Variants in SIL1 observed in about 807,000 individuals in gnomAD.
SIL1 encodes the protein SIL1 nucleotide exchange factor, also known as nucleotide exchange factor SIL1.
A neutral mutation model predicts 49.1 loss-of-function variants in SIL1; 40 were observed. The ratio of observed to expected loss-of-function variants is 0.81; its 90% CI spans 0.63 to 1.06. The LOEUF is 1.06. Among genes scored for constraint, SIL1 ranks in the 50% least tolerant of loss-of-function variants. SIL1 has a pLI of 0.00. For missense variants in SIL1, 500 were observed against 572.6 expected, an observed-to-expected ratio of 0.87 and a Z score of 1.29; for synonymous variants, 253 against 250.8, an observed-to-expected ratio of 1.01 and a Z score of -0.08.
At chr5:138,972,113 T>C (rs1009627766) in intron 7 of SIL1, among the ~76,000 whole-genome samples, 2 of 152,130 alleles carry the variant, frequency 1.3e-5, no homozygotes, top group Non-Finnish European at 2.9e-5. Context: ...ATAAGGGTTA[T>C]GGGGACCTTT....
At chr5:138,987,109 T>TATTTTATTTC (rs1455545105) in intron 7 of SIL1, among the ~76,000 whole-genome samples, 2 of 150,292 alleles carry the variant, frequency 1.3e-5, no homozygotes, top group East Asian at 3.9e-4. Context: ...TATTTTATTT[T>TATTTTATTTC]ATTTTATTTT....
At position 139,144,386 on chromosome 5, in the gene SIL1, TC is replaced by T. The variant is rs111953909; in HGVS notation, c.-10-16534del. ...GAAAAAAAGAACAAAGCTGGAGAAT[TC>T]CACAAGTCCAATTTCAAAACTTACC... On this transcript the variant is annotated intron_variant, in intron 1 of 9. Transcript: ENST00000394817. Among the ~76,000 whole-genome samples, 1,054 of 152,148 alleles carry T rather than the reference TC, an allele frequency of 6.9e-3. 8 individuals carry two copies. The highest frequency in any genetic ancestry group is 0.024 in the African/African-American group (1,010 of 41,498).
intron 3 of SIL1, among the ~76,000 whole-genome samples, chr5:139,069,093 G>A (rs1243053898): frequency 6.6e-6 from 1 of 151,998 alleles, no homozygotes; most frequent in African/African-American, 2.4e-5. Context: ...TTCAGGATCA[G>A]CCCAGGTAAC....
At chr5:138,985,179 A>T (rs1246042614) in intron 7 of SIL1, among the ~76,000 whole-genome samples, 1 of 152,172 alleles carries the variant, frequency 6.6e-6, no homozygotes, top group East Asian at 1.9e-4. Flanking sequence ...AAGTATGTTC[A>T]ATTTTGAGAG....
At chr5:138,960,213 C>T (rs952703628) in intron 7 of SIL1, among the ~76,000 whole-genome samples, 7 of 152,294 alleles carry the variant, frequency 4.6e-5, no homozygotes, top group South Asian at 2.1e-4. Flanking sequence ...ATGTATCTTA[C>T]ATGGTTATCT....
intron 7 of SIL1, among the ~76,000 whole-genome samples, chr5:138,955,273 T>C (rs1478726658): frequency 2.0e-5 from 3 of 152,186 alleles, no homozygotes; most frequent in Admixed American, 2.0e-4. Context: ...AGAATAAACC[T>C]TGTTCAGGGC....
In SIL1 at chr5:139,121,912, A is replaced by G. The variant is rs542349904; in HGVS notation, c.106-739T>C. ...GGAGACAGCGATGCAAGATAAATAC[A>G]AAGTATTATTCATTTTGCTCTTTCC... On this transcript the variant is annotated intron_variant, in intron 2 of 9. Transcript: ENST00000394817. Among the ~76,000 whole-genome samples, 16 of 152,332 alleles carry G rather than the reference A, an allele frequency of 1.1e-4. No homozygotes were observed. In the East Asian group the frequency reaches 1.9e-3, roughly 18 times the overall value.
At chr5:139,135,076 T>G (rs938761257) in intron 1 of SIL1, among the ~76,000 whole-genome samples, 2 of 152,148 alleles carry the variant, frequency 1.3e-5, no homozygotes, top group African/African-American at 4.8e-5. Flanking sequence ...AAGTTTGTAA[T>G]AGTCAGGCAA....
At chr5:138,984,634 C>T (rs1365145942) in intron 7 of SIL1, among the ~76,000 whole-genome samples, 3 of 152,172 alleles carry the variant, frequency 2.0e-5, no homozygotes, top group African/African-American at 7.2e-5. Context: ...GCTAGGATTA[C>T]AGGCATGAGC....
At chr5:139,015,536 A>G (rs1484820228) in intron 7 of SIL1, among the ~76,000 whole-genome samples, 1 of 152,228 alleles carries the variant, frequency 6.6e-6, no homozygotes, top group Non-Finnish European at 1.5e-5. Context: ...AAACTACATC[A>G]TAAATAACCC....
intron 3 of SIL1, among the ~76,000 whole-genome samples, chr5:139,111,675 G>A (rs951143677): frequency 1.3e-5 from 2 of 152,098 alleles, no homozygotes; most frequent in South Asian, 2.1e-4. Context: ...TATGGCTATC[G>A]CTAACTGAAA....
At chr5:139,197,124 C>T (rs1300636270) in intron 1 of SIL1, among the ~76,000 whole-genome samples, 1 of 151,942 alleles carries the variant, frequency 6.6e-6, no homozygotes, top group East Asian at 1.9e-4. Flanking sequence ...GAAAATTAGC[C>T]GGGCACGATG....
chr5:139,173,039 AATAGAT>A (rs1751806348), intron 1 of SIL1, among the ~76,000 whole-genome samples: 1 of 152,146 alleles, frequency 6.6e-6, no homozygotes, highest in African/African-American at 2.4e-5. Flanking sequence ...GCATTAAAAA[AATAGAT>A]ATAGGTTATG....
chr5:139,139,143 G>T (rs1034646269), intron 1 of SIL1, among the ~76,000 whole-genome samples: 3 of 152,230 alleles, frequency 2.0e-5, no homozygotes, highest in African/African-American at 7.2e-5. Flanking sequence ...ACTGTAGACA[G>T]ATGCAGCTAG....
intron 7 of SIL1, among the ~76,000 whole-genome samples, chr5:138,983,126 A>T (rs1767565419): frequency 6.9e-6 from 1 of 144,574 alleles, no homozygotes; most frequent in Admixed American, 7.2e-5. Context: ...TTGAACCCAG[A>T]AGGCAGAGGG....
intron 3 of SIL1, among the ~76,000 whole-genome samples, chr5:139,086,490 A>G (rs1770224119): frequency 6.6e-6 from 1 of 151,430 alleles, no homozygotes; most frequent in African/African-American, 2.4e-5. Flanking sequence ...TCAGCCTCCC[A>G]AGTAGCTGAA....
In SIL1 at chr5:139,152,110, C is replaced by T. The variant is rs115408068; in HGVS notation, c.-10-24257G>A. 2.7e-3 allele frequency among the ~76,000 whole-genome samples: 404 copies of T among 152,292 alleles called. 2 individuals are homozygous for T. Among genetic ancestry groups the T allele is most frequent in the African/African-American group, 9.0e-3 (375 of 41,568 alleles). On this transcript the variant is annotated intron_variant, in intron 1 of 9. Transcript: ENST00000394817. Reference sequence around the variant, plus strand: ...AGGTGGGAGCAGCAGCCCTGAACACCGCAGGCTCGGCAATGGTGCCTTGGG... The same window carrying T: ...AGGTGGGAGCAGCAGCCCTGAACACTGCAGGCTCGGCAATGGTGCCTTGGG...
chr5:139,128,734 C>T (rs1180752381), intron 1 of SIL1, among the ~76,000 whole-genome samples: 1 of 151,990 alleles, frequency 6.6e-6, no homozygotes, highest in Non-Finnish European at 1.5e-5. Context: ...CTGTTAACAA[C>T]AGTACTACCC....
chr5:139,030,746 A>T (rs757953698), intron 5 of SIL1, among the ~76,000 whole-genome samples: 6 of 152,136 alleles, frequency 3.9e-5, no homozygotes, highest in Non-Finnish European at 8.8e-5. Context: ...CCTAGAATCA[A>T]GCGATCCTCC....
Sources: gnomAD v4.1 joint callset for allele counts (sites outside exome capture counted in the v4.1 genomes callset) on GRCh38, gnomAD v4.1.1 for gene constraint, MANE v1.5 for transcripts, NCBI Gene and HGNC (gene_info 2026-07-23, HGNC 2026-07-21) for gene names.